The following RBFOX1 variants were observed in gnomAD, a reference collection of about 807,000 sequenced individuals.
RBFOX1 encodes the protein RNA binding protein fox-1 homolog 1.
Under a neutral mutation model 57.7 loss-of-function variants are expected in RBFOX1, and 8 were observed. The ratio of observed to expected loss-of-function variants is 0.14; its 90% confidence interval spans 0.08 to 0.25. The LOEUF (loss-of-function observed/expected upper bound fraction) is 0.25, where lower values mean the gene tolerates loss of function less well. Among genes scored for constraint, RBFOX1 ranks in the 10% least tolerant of loss-of-function variants. The pLI is 1.00. For missense variants in RBFOX1, 611 were observed against 548.5 expected, an observed-to-expected ratio of 1.11 and a Z score of -1.14; for synonymous variants, 326 against 222.4, an observed-to-expected ratio of 1.47 and a Z score of -4.15.
At chr16:6,956,208 G>A (rs1319188356) in intron 3 of RBFOX1, among the ~76,000 whole-genome samples, 1 of 152,152 alleles carries the variant, frequency 6.6e-6, no homozygotes, top group South Asian at 2.1e-4. Flanking sequence ...GTACCACACA[G>A]GAGATCGTGC....
chr16:7,713,016 C>G lies in RBFOX1; in HGVS notation c.*2271C>G, dbSNP rs2084221804. The G allele has an allele frequency of 6.6e-6, 1 of 152,150 alleles. No homozygotes were observed. The highest frequency in any genetic ancestry group is 1.5e-5 in the Non-Finnish European group (1 of 68,022). The allele number at this position is 152,150 out of a possible 1,614,324, so 9.4% of individuals were successfully genotyped here. A position where few individuals can be genotyped will look rare whatever the true frequency, so the allele number is the denominator to read the frequency against. On this transcript the variant is annotated 3_prime_UTR_variant, in exon 16 of 16. Coordinates refer to ENST00000550418, the MANE Select transcript of RBFOX1 (RefSeq NM_018723.4). The stretch of plus-strand genomic sequence containing the variant: ...TGAGTGCCAACCGATGTTGCAGAAT[C>G]TTTTGTCTAGGCACTCCAAGATGCC...
intron 4 of RBFOX1, among the ~76,000 whole-genome samples, chr16:7,243,662 C>A (rs1453534760): frequency 1.3e-5 from 2 of 152,102 alleles, no homozygotes; most frequent in Non-Finnish European, 2.9e-5. Context: ...ATCCTCCCAG[C>A]TCAGCCTCCC....
rs145518700 is a variant in RBFOX1 at position 5,463,730 on chromosome 16, A to T, written c.220-3486A>T. Among the ~76,000 whole-genome samples the T allele has an allele frequency of 4.6e-3, 687 of 150,502 alleles. 7 individuals carry two copies. Among genetic ancestry groups the T allele is most frequent in the African/African-American group, 0.016 (637 of 41,020 alleles). ...CAGGAGAATCGCTTGAACCCAGGAG[A>T]TGGAGGTTGCAGTAAGTCAAGATTG... On this transcript the variant is annotated intron_variant, in intron 1 of 2. Transcript: ENST00000585867.
chr16:6,750,457 C>A (rs929771645), intron 3 of RBFOX1, among the ~76,000 whole-genome samples: 1 of 152,174 alleles, frequency 6.6e-6, no homozygotes, highest in Non-Finnish European at 1.5e-5. Context: ...TACCAAAACA[C>A]CCTTTTTAAA....
intron 3 of RBFOX1, among the ~76,000 whole-genome samples, chr16:6,714,372 A>T (rs1264960234): frequency 6.6e-6 from 1 of 152,120 alleles, no homozygotes; most frequent in Admixed American, 6.5e-5. Flanking sequence ...GGTGGTAGAA[A>T]ATGGTGCAGG....
intron 3 of RBFOX1, among the ~76,000 whole-genome samples, chr16:7,001,426 A>G (rs1243964001): frequency 6.6e-6 from 1 of 150,946 alleles, no homozygotes; most frequent in Non-Finnish European, 1.5e-5. Context: ...ATGTATATGT[A>G]TATGTATATG....
chr16:5,739,519 T>C (rs187939087), intron 3 of RBFOX1, among the ~76,000 whole-genome samples: 1 of 152,330 alleles, frequency 6.6e-6, no homozygotes, highest in East Asian at 1.9e-4. Context: ...GTGCATGGGG[T>C]CATTTGCAAA....
At chr16:6,104,852 A>C (rs2096359425) in intron 1 of RBFOX1, among the ~76,000 whole-genome samples, 2 of 152,248 alleles carry the variant, frequency 1.3e-5, no homozygotes. Context: ...ACTACTTATT[A>C]TGAGATTCCT....
At chr16:6,796,618 A>T (rs1428157459) in intron 3 of RBFOX1, among the ~76,000 whole-genome samples, 1 of 152,122 alleles carries the variant, frequency 6.6e-6, no homozygotes, top group Non-Finnish European at 1.5e-5. Flanking sequence ...TTTTCAAAGG[A>T]ACTTTCTCTC....
chr16:6,554,861 C>G (rs981284061), intron 2 of RBFOX1, among the ~76,000 whole-genome samples: 1 of 147,762 alleles, frequency 6.8e-6, no homozygotes, highest in South Asian at 2.1e-4. Context: ...CGCTCTGTCG[C>G]TCTCTCTCTC....
intron 3 of RBFOX1, among the ~76,000 whole-genome samples, chr16:6,769,970 G>C (rs545398441): frequency 3.3e-5 from 5 of 152,240 alleles, no homozygotes; most frequent in Admixed American, 6.5e-5. Flanking sequence ...TATGCCTGCA[G>C]GCTACAGGTC....
At chr16:6,418,686 C>A (rs2093693478) in intron 2 of RBFOX1, among the ~76,000 whole-genome samples, 1 of 151,878 alleles carries the variant, frequency 6.6e-6, no homozygotes. Flanking sequence ...CCACACCTGG[C>A]TAATTTAAGA....
intron 2 of RBFOX1, among the ~76,000 whole-genome samples, chr16:5,574,156 A>G (rs931362827): frequency 6.6e-6 from 1 of 152,192 alleles, no homozygotes; most frequent in East Asian, 1.9e-4. Flanking sequence ...TTTTATGCCT[A>G]TGCGGATCTA....
chr16:5,891,902 G>C (rs2058052802), intron 4 of RBFOX1, among the ~76,000 whole-genome samples: 1 of 152,160 alleles, frequency 6.6e-6, no homozygotes, highest in African/African-American at 2.4e-5. Flanking sequence ...ACGTTGCGCA[G>C]GACTAAAGCC....
chr16:5,585,901 T>A (rs7185679), intron 2 of RBFOX1, among the ~76,000 whole-genome samples: 33,807 of 152,034 alleles, frequency 0.22, 5,044 homozygotes, highest in East Asian at 0.49. Flanking sequence ...CCCAAAAGAT[T>A]TGCTCAAGTT....
At chr16:7,352,463 A>G (rs973224669) in intron 4 of RBFOX1, among the ~76,000 whole-genome samples, 1 of 152,138 alleles carries the variant, frequency 6.6e-6, no homozygotes, top group African/African-American at 2.4e-5. Context: ...TGTCATCTGA[A>G]GACGTGGGGT....
intron 1 of RBFOX1, among the ~76,000 whole-genome samples, chr16:6,305,075 A>G (rs1344516660): frequency 2.0e-5 from 3 of 152,266 alleles, no homozygotes; most frequent in East Asian, 3.9e-4. Flanking sequence ...TCACAGCCCC[A>G]TGGCACGTCT....
chr16:6,926,787 G>C (rs2075668833), intron 3 of RBFOX1, among the ~76,000 whole-genome samples: 1 of 152,164 alleles, frequency 6.6e-6, no homozygotes, highest in Admixed American at 6.5e-5. Context: ...TGGGTCTCTT[G>C]AGTTCTTAAA....
In RBFOX1 at chr16:6,718,275, G is replaced by A. The variant is rs1036731647; in HGVS notation, c.-16+63625G>A. 2.0e-5 allele frequency among the ~76,000 whole-genome samples: 3 copies of A among 152,150 alleles called. No individual in the cohort carries two copies. In the East Asian group the frequency reaches 5.8e-4, roughly 29 times the overall value. The stretch of plus-strand genomic sequence containing the variant: ...TAGGTATGTTGGCACTATTCCACGT[G>A]CTGGGGTTGGAGTGGTGAATGGAAC... On this transcript the variant is annotated intron_variant, in intron 3 of 15. Coordinates refer to ENST00000550418, the MANE Select transcript of RBFOX1 (RefSeq NM_018723.4).
Sources: allele counts gnomAD v4.1 joint callset (sites outside exome capture counted in the v4.1 genomes callset), GRCh38; gene constraint gnomAD v4.1.1; transcripts MANE v1.5; gene names NCBI Gene and HGNC (gene_info 2026-07-23, HGNC 2026-07-21).